The following ADGRB1 variants were observed in gnomAD, a reference collection of about 807,000 sequenced individuals.
ADGRB1 encodes the protein brain-specific angiogenesis inhibitor 1.
ADGRB1 carries 36 observed loss-of-function variants against 175.7 expected under a neutral mutation model. The observed-to-expected ratio is 0.20, with a 90% CI of 0.16 to 0.27. The LOEUF (loss-of-function observed/expected upper bound fraction) is 0.27, where lower values mean the gene tolerates loss of function less well. Among genes scored for constraint, ADGRB1 ranks in the 10% least tolerant of loss-of-function variants. ADGRB1 has a pLI of 1.00. For missense variants in ADGRB1, 1,731 were observed against 2,255.3 expected (o/e 0.77, Z 4.71); for synonymous variants, 1,054 against 979.4 (o/e 1.08, Z -1.42).
intron 21 of ADGRB1, 145 bp downstream of exon 21, chr8:142,522,260 C>T: frequency 8.6e-7 from 1 of 1,167,420 alleles, no homozygotes; most frequent in Non-Finnish European, 1.2e-6. Context: ...CCTCTGGGCC[C>T]TCGTTCTTCC....
At chr8:142,481,187 G>A in intron 9 of ADGRB1, 67 bp from the exon 10 acceptor site, 2 of 1,469,696 alleles carry the variant, frequency 1.4e-6, no homozygotes, top group South Asian at 1.1e-5. Flanking sequence ...TCTGCTGCCA[G>A]GGGCCAAGGG....
At chr8:142,456,781 T>C (rs1839708871) in intron 1 of ADGRB1, among the ~76,000 whole-genome samples, 1 of 152,198 alleles carries the variant, frequency 6.6e-6, no homozygotes, top group Non-Finnish European at 1.5e-5. Flanking sequence ...GGTGGAGGCC[T>C]GGGTTGGGGC....
At chr8:142,481,785 T>A in intron 11 of ADGRB1, 74 bp downstream of exon 11, 1 of 1,334,302 alleles carries the variant, frequency 7.5e-7, no homozygotes, top group Non-Finnish European at 1.0e-6. Flanking sequence ...ACCTTAGAGA[T>A]GGATCCCCAA....
At position 142,479,686 on chromosome 8, in the gene ADGRB1, T is replaced by C; in HGVS notation, c.1727-7T>C. 6.2e-7 allele frequency: 1 copy of C among 1,611,998 alleles called. No individual in the cohort carries two copies. The highest frequency in any genetic ancestry group is 2.2e-5 in the East Asian group (1 of 44,824). ...TTCCTGAACCCCTGTCCCGGGCCCC[T>C]TGGCAGAGCCCCATGAGATCTGTGA... On this transcript the variant is annotated splice_region_variant and splice_polypyrimidine_tract_variant and intron_variant, in intron 8 of 30. Transcript: ENST00000517894.
intron 18 of ADGRB1, 61 bp from the exon 19 acceptor site, chr8:142,518,077 G>C (rs1843550355): frequency 6.5e-7 from 1 of 1,541,742 alleles, no homozygotes; most frequent in Non-Finnish European, 8.9e-7. Context: ...TCAGTCTTCG[G>C]GTCTGCCGAG....
In ADGRB1 at chr8:142,465,001, A is replaced by T; in HGVS notation, c.784+19A>T. On this transcript the variant is annotated intron_variant, in intron 2 of 30. Transcript: ENST00000517894. ...GCCACAGGTGAGTGACTGGCGGGGA[A>T]ACCTTCGGACAGGGGAGGTGGGCAG... is the stretch of plus-strand genomic sequence containing the variant. 4.9e-6 allele frequency: 7 copies of T among 1,440,804 alleles called. No homozygotes were observed. Among genetic ancestry groups the T allele is most frequent in the Non-Finnish European group, 6.4e-6 (7 of 1,099,484 alleles). 89.3% of individuals were successfully genotyped at this position (1,440,804 alleles called of 1,614,324 possible). A position where few individuals can be genotyped will look rare whatever the true frequency, so the allele number is the denominator to read the frequency against.
chr8:142,468,239 A>T (rs908622765), intron 2 of ADGRB1, among the ~76,000 whole-genome samples: 2 of 151,886 alleles, frequency 1.3e-5, no homozygotes, highest in South Asian at 2.1e-4. Flanking sequence ...TGTGCAGTAC[A>T]TTACTCATGT....
intron 2 of ADGRB1, among the ~76,000 whole-genome samples, chr8:142,470,882 T>A (rs1026170608): frequency 6.6e-5 from 10 of 152,076 alleles, no homozygotes; most frequent in African/African-American, 2.4e-4. Flanking sequence ...GGAGACACAG[T>A]CAGGCTCAGC....
At chr8:142,515,279 G>C (rs185644637) in intron 18 of ADGRB1, among the ~76,000 whole-genome samples, 2 of 152,354 alleles carry the variant, frequency 1.3e-5, no homozygotes, top group African/African-American at 4.8e-5. Flanking sequence ...GGCCCGGCCT[G>C]GCTCTGCCTC....
intron 18 of ADGRB1, among the ~76,000 whole-genome samples, chr8:142,515,409 G>A (rs1012451584): frequency 6.6e-6 from 1 of 152,218 alleles, no homozygotes; most frequent in African/African-American, 2.4e-5. Flanking sequence ...GGGAGTGACT[G>A]ATGAGCCAGG....
intron 16 of ADGRB1, 106 bp from the exon 17 acceptor site, chr8:142,490,666 A>G (rs1841938876): frequency 7.5e-7 from 1 of 1,330,718 alleles, no homozygotes; most frequent in Non-Finnish European, 1.0e-6. Context: ...GGACCCGCAC[A>G]GGTAGCATGC....
intron 22 of ADGRB1, 120 bp from the exon 23 acceptor site, chr8:142,524,118 T>C (rs1420844379): frequency 2.6e-6 from 3 of 1,139,864 alleles, no homozygotes; most frequent in Non-Finnish European, 3.8e-6. Context: ...CGAAGGCGCT[T>C]AATAAGTGCC....
chr8:142,484,098 C>A, intron 12 of ADGRB1, 53 bp downstream of exon 12: 1 of 1,509,188 alleles, frequency 6.6e-7, no homozygotes, highest in Non-Finnish European at 9.0e-7. Context: ...GCAGGCACAG[C>A]TGGTGCCTCC....
At chr8:142,466,195 G>A (rs1375977192) in intron 2 of ADGRB1, among the ~76,000 whole-genome samples, 1 of 152,210 alleles carries the variant, frequency 6.6e-6, no homozygotes, top group Non-Finnish European at 1.5e-5. Flanking sequence ...AGGCTGGGCT[G>A]TATACTCAAG....
In ADGRB1 at chr8:142,537,020, C is replaced by T. The variant is rs758388341; in HGVS notation, c.3604C>T (p.Arg1202Trp). Residue 1202 changes from arginine (R) to tryptophan (W), a missense_variant, in exon 26 of 31, where the codon CGG (arginine) becomes TGG (tryptophan). Arg to Trp is a moderately radical substitution (Grantham distance 101). Around this residue, in one of 8 missense-constraint regions of ADGRB1, gnomAD observed 301 missense variants for 488.4 expected, o/e 0.62. Coordinates refer to ENST00000517894, the MANE Select transcript of ADGRB1 (RefSeq NM_001702.3). This position sits in a 1 kb window ranked among gnomAD's most constrained non-coding sequence, Gnocchi z 4.6. ...CGCTGTGAAATGCCGTGTGGTTGACCGGCAGGAGGAGGGCAACGGGGACTC... is the reference window on the plus strand; with the variant it reads ...CGCTGTGAAATGCCGTGTGGTTGACTGGCAGGAGGAGGGCAACGGGGACTC... ...QDAVKCRVVD[R>W]QEEGNGDSGG... The T allele has an allele frequency of 5.1e-5, 81 of 1,591,572 alleles. No individual in the cohort carries two copies. Among genetic ancestry groups the T allele is most frequent in the East Asian group, 2.3e-5 (1 of 43,136 alleles).
At chr8:142,481,457 G>A in intron 10 of ADGRB1, 60 bp from the exon 11 acceptor site, 1 of 1,583,132 alleles carries the variant, frequency 6.3e-7, no homozygotes, top group South Asian at 1.1e-5. Context: ...GGAGATCCTG[G>A]GTGGCTGCCT....
At chr8:142,532,131 TC>T (rs1191947334) in intron 24 of ADGRB1, among the ~76,000 whole-genome samples, 2 of 151,784 alleles carry the variant, frequency 1.3e-5, no homozygotes, top group Middle Eastern at 3.2e-3. Flanking sequence ...CTGCCCCAGC[TC>T]CCCCTGTGTA....
Position 142,543,345 on chromosome 8 carries a change from G to A in ADGRB1, c.4414-58G>A. 8 of 1,606,264 alleles carry A rather than the reference G, an allele frequency of 5.0e-6. No homozygotes were observed. Among genetic ancestry groups the A allele is most frequent in the South Asian group, 1.1e-5 (1 of 90,006 alleles). ...TGATGCCCTCAGTCTGAGGCAGGGAGAGGCGTGGACTTGTCAGGGACCCTT... is the reference window on the plus strand; with the variant it reads ...TGATGCCCTCAGTCTGAGGCAGGGAAAGGCGTGGACTTGTCAGGGACCCTT... On this transcript the variant is annotated intron_variant, in intron 28 of 30. Coordinates refer to ENST00000517894, the MANE Select transcript of ADGRB1 (RefSeq NM_001702.3). The surrounding 1 kb of genome is among the most constrained non-coding windows in gnomAD (Gnocchi z 4.4).
chr8:142,515,829 G>A (rs563953466), intron 18 of ADGRB1, among the ~76,000 whole-genome samples: 109 of 152,350 alleles, frequency 7.2e-4, no homozygotes, highest in African/African-American at 2.4e-3. Flanking sequence ...TGAGGCCTGA[G>A]CTCCAGGCTG....
Sources: gnomAD v4.1 joint callset for allele counts (sites outside exome capture counted in the v4.1 genomes callset) on GRCh38, gnomAD v4.1.1 for gene constraint, gnomAD v4.1.1 regional missense constraint, Gnocchi (gnomAD v3.1) non-coding constraint, MANE v1.5 for transcripts, NCBI Gene and HGNC (gene_info 2026-07-23, HGNC 2026-07-21) for gene names.